The following SYNPR variants were observed in gnomAD, a reference collection of about 807,000 sequenced individuals.
SYNPR encodes the protein synaptoporin.
SYNPR carries 23 observed loss-of-function variants against 32.9 expected under a neutral mutation model. The observed-to-expected ratio is 0.70, with a 90% CI of 0.50 to 0.99. The LOEUF is 0.99. Ranked by LOEUF, SYNPR falls within the 50% of genes least tolerant of loss-of-function variation. The pLI is 0.00. For synonymous variants in SYNPR, 146 were observed against 135.9 expected (o/e 1.07, Z -0.52); for missense variants, 318 against 349.3 (o/e 0.91, Z 0.71).
At chr3:63,531,269 C>T (rs1451988875) in intron 3 of SYNPR, among the ~76,000 whole-genome samples, 7 of 152,156 alleles carry the variant, frequency 4.6e-5, no homozygotes, top group African/African-American at 1.7e-4. Flanking sequence ...ATTGTCTCAT[C>T]ATTCTGAAAG....
chr3:63,449,572 T>C (rs1025031638), intron 2 of SYNPR, among the ~76,000 whole-genome samples: 13 of 152,154 alleles, frequency 8.5e-5, no homozygotes, highest in Non-Finnish European at 1.6e-4. Flanking sequence ...AAATTGCCCC[T>C]GGCTGAGAAC....
intron 2 of SYNPR, among the ~76,000 whole-genome samples, chr3:63,340,382 T>C (rs927546784): frequency 6.6e-6 from 1 of 151,748 alleles, no homozygotes; most frequent in Non-Finnish European, 1.5e-5. Flanking sequence ...AGTCACACAT[T>C]CACCACCTAG....
At chr3:63,282,048 C>T (rs1309979274) in intron 2 of SYNPR, among the ~76,000 whole-genome samples, 2 of 152,170 alleles carry the variant, frequency 1.3e-5, no homozygotes, top group Non-Finnish European at 2.9e-5. Flanking sequence ...TATGGCTTAA[C>T]ATATAGTGAA....
chr3:63,359,464 TAAAAA>T (rs2087628988), intron 2 of SYNPR, among the ~76,000 whole-genome samples: 1 of 152,254 alleles, frequency 6.6e-6, no homozygotes, highest in East Asian at 1.9e-4. Flanking sequence ...TACCAGAAAA[TAAAAA>T]GCAAATTCTC....
chr3:63,540,544 G>A (rs1014637496), intron 3 of SYNPR, among the ~76,000 whole-genome samples: 1 of 151,934 alleles, frequency 6.6e-6, no homozygotes, highest in Admixed American at 6.6e-5. Context: ...AAAAAGAAAC[G>A]AGCCTCTGCA....
intron 2 of SYNPR, among the ~76,000 whole-genome samples, chr3:63,290,977 T>C (rs1196461833): frequency 1.3e-5 from 2 of 152,170 alleles, no homozygotes; most frequent in Non-Finnish European, 2.9e-5. Flanking sequence ...AAGAGTTAGA[T>C]TGGCATGGAG....
At chr3:63,349,295 T>C (rs1175870796) in intron 2 of SYNPR, among the ~76,000 whole-genome samples, 1 of 151,758 alleles carries the variant, frequency 6.6e-6, no homozygotes, top group Non-Finnish European at 1.5e-5. Flanking sequence ...TAGAGACGGG[T>C]TTCACCATGT....
chr3:63,464,240 A>G (rs1033568554), intron 2 of SYNPR, among the ~76,000 whole-genome samples: 3 of 152,088 alleles, frequency 2.0e-5, no homozygotes, highest in Non-Finnish European at 2.9e-5. Flanking sequence ...TCTACTGCCT[A>G]TTTGACTGGA....
intron 2 of SYNPR, among the ~76,000 whole-genome samples, chr3:63,476,390 A>C (rs552706764): frequency 8.6e-6 from 1 of 116,714 alleles, no homozygotes; most frequent in Non-Finnish European, 1.9e-5. Flanking sequence ...GGGAGAGAAG[A>C]AGGAAGGAAG....
chr3:63,498,343 C>T (rs990857981), intron 3 of SYNPR, among the ~76,000 whole-genome samples: 1 of 151,964 alleles, frequency 6.6e-6, no homozygotes, highest in Non-Finnish European at 1.5e-5. Flanking sequence ...TTCTTGGTGC[C>T]GGGAATCCAG....
chr3:63,254,450 TAAC>T (rs756433488), intron 2 of SYNPR, among the ~76,000 whole-genome samples: 3 of 152,060 alleles, frequency 2.0e-5, no homozygotes, highest in Non-Finnish European at 4.4e-5. Context: ...GAAGAGAAAA[TAAC>T]AGACTACATC....
intron 2 of SYNPR, among the ~76,000 whole-genome samples, chr3:63,464,621 A>T (rs1300390828): frequency 1.3e-5 from 2 of 152,030 alleles, no homozygotes; most frequent in South Asian, 4.2e-4. Flanking sequence ...AGAAAGAATT[A>T]TCTCTCATGT....
At chr3:63,611,294 A>C (rs1290120409) in intron 5 of SYNPR, among the ~76,000 whole-genome samples, 1 of 152,208 alleles carries the variant, frequency 6.6e-6, no homozygotes, top group Non-Finnish European at 1.5e-5. Flanking sequence ...CCATTAGTGG[A>C]AAGTTTTACC....
chr3:63,476,197 C>G (rs9813602), intron 2 of SYNPR, among the ~76,000 whole-genome samples: 234 of 22,306 alleles, frequency 0.01, 11 homozygotes, highest in Non-Finnish European at 0.012. Flanking sequence ...GGGAGGGAAG[C>G]AAGGGAAGGA....
intron 2 of SYNPR, among the ~76,000 whole-genome samples, chr3:63,401,575 G>C (rs989721379): frequency 3.9e-5 from 6 of 152,256 alleles, no homozygotes; most frequent in East Asian, 3.9e-4. Context: ...TGCCCTGGGA[G>C]GTCTGTGCAG....
At chr3:63,614,897 G>T (rs1472653801) in intron 5 of SYNPR, among the ~76,000 whole-genome samples, 1 of 152,188 alleles carries the variant, frequency 6.6e-6, no homozygotes, top group Non-Finnish European at 1.5e-5. Flanking sequence ...TTGGATCACA[G>T]ATCTACTACT....
At chr3:63,560,753 T>C (rs754520840) in intron 4 of SYNPR, among the ~76,000 whole-genome samples, 2 of 152,080 alleles carry the variant, frequency 1.3e-5, no homozygotes, top group African/African-American at 2.4e-5. Flanking sequence ...CAAACACTTA[T>C]AAAACCGTCA....
At chr3:63,347,244 T>A (rs1041848503) in intron 2 of SYNPR, among the ~76,000 whole-genome samples, 1 of 152,214 alleles carries the variant, frequency 6.6e-6, no homozygotes, top group African/African-American at 2.4e-5. Flanking sequence ...GACTTGCAGG[T>A]AATAGATTAG....
At chr3:63,513,559 A>T (rs1458360927) in intron 3 of SYNPR, among the ~76,000 whole-genome samples, 3 of 152,100 alleles carry the variant, frequency 2.0e-5, no homozygotes, top group Admixed American at 2.0e-4. Flanking sequence ...ATATTTGCTT[A>T]CAGAGAAGTC....
Sources: gnomAD v4.1 joint callset for allele counts (sites outside exome capture counted in the v4.1 genomes callset) on GRCh38, gnomAD v4.1.1 for gene constraint, MANE v1.5 for transcripts, NCBI Gene and HGNC (gene_info 2026-07-23, HGNC 2026-07-21) for gene names.